KSR2: variants seen among roughly 807,000 people sequenced by gnomAD.
The protein encoded by KSR2 is kinase suppressor of ras 2.
In KSR2, 25 loss-of-function variants were observed where a neutral mutation model predicts 107.8. The observed-to-expected ratio is 0.23, with a 90% CI of 0.17 to 0.32. The LOEUF (loss-of-function observed/expected upper bound fraction) is 0.32, where lower values mean the gene tolerates loss of function less well. Among genes scored for constraint, KSR2 ranks in the 10% least tolerant of loss-of-function variants. The probability of loss-of-function intolerance (pLI) is 1.00; values close to 1 mark genes in which losing one functional copy is unlikely to be tolerated. For synonymous variants in KSR2, 480 were observed against 507.0 expected, an observed-to-expected ratio of 0.95 and a Z score of 0.71; for missense variants, 887 against 1,268.9, an observed-to-expected ratio of 0.70 and a Z score of 4.57.
chr12:117,550,241 C>T (rs993482121), intron 9 of KSR2, among the ~76,000 whole-genome samples: 2 of 152,176 alleles, frequency 1.3e-5, no homozygotes, highest in African/African-American at 4.8e-5. Context: ...AGTCATGGCT[C>T]AGAAGCAGAA....
intron 1 of KSR2, among the ~76,000 whole-genome samples, chr12:117,919,185 C>G (rs1323211381): frequency 1.3e-5 from 2 of 152,202 alleles, no homozygotes; most frequent in Non-Finnish European, 2.9e-5. Flanking sequence ...GTCCTTCAAA[C>G]CAGGCATGTT....
chr12:117,831,693 C>T (rs75871853), intron 3 of KSR2, among the ~76,000 whole-genome samples: 1,678 of 152,340 alleles, frequency 0.011, 38 homozygotes, highest in African/African-American at 0.039. Context: ...TATTTGATTT[C>T]ACTTAATCCT....
chr12:117,847,486 C>A (rs1409744713), intron 3 of KSR2, among the ~76,000 whole-genome samples: 1 of 152,232 alleles, frequency 6.6e-6, no homozygotes, highest in Non-Finnish European at 1.5e-5. Context: ...ACCTGCCTGT[C>A]TGCAGCACCC....
intron 1 of KSR2, among the ~76,000 whole-genome samples, chr12:117,933,557 A>C (rs1267650251): frequency 2.0e-5 from 3 of 151,856 alleles, no homozygotes; most frequent in Non-Finnish European, 4.4e-5. Context: ...ATGCCACTGC[A>C]CTCCAGCCTG....
At chr12:117,672,627 A>C (rs1884957442) in intron 4 of KSR2, among the ~76,000 whole-genome samples, 1 of 151,876 alleles carries the variant, frequency 6.6e-6, no homozygotes, top group African/African-American at 2.4e-5. Context: ...AATATCCAAC[A>C]AACTTTTTTT....
chr12:117,671,927 C>T (rs1884922426), intron 4 of KSR2, among the ~76,000 whole-genome samples: 1 of 152,154 alleles, frequency 6.6e-6, no homozygotes, highest in Admixed American at 6.5e-5. Context: ...AGCCTGGGGG[C>T]ATCCCACACA....
chr12:117,686,304 G>T (rs1473939168), intron 4 of KSR2, among the ~76,000 whole-genome samples: 1 of 141,640 alleles, frequency 7.1e-6, no homozygotes, highest in Non-Finnish European at 1.5e-5. Flanking sequence ...GGGCTAAAGT[G>T]ATCCTCCTGC....
rs75191390 is a variant in KSR2, at chr12:117,763,464, C to T, written c.473-1940G>A. On this transcript the variant is annotated intron_variant, in intron 3 of 19. Transcript: ENST00000339824. ...GTAAAGCCTTTCTGCATCCTCCATG[C>T]TAAGAGCTCTAAATGCATAAAGATC... is the stretch of plus-strand genomic sequence containing the variant. Among the ~76,000 whole-genome samples, 621 of 152,296 alleles carry T rather than the reference C, an allele frequency of 4.1e-3. 23 individuals are homozygous for T. In the East Asian group the frequency reaches 0.069, roughly 17 times the overall value.
At chr12:117,844,928 C>T (rs1014962371) in intron 3 of KSR2, among the ~76,000 whole-genome samples, 8 of 152,272 alleles carry the variant, frequency 5.3e-5, no homozygotes, top group South Asian at 2.1e-4. Flanking sequence ...AGGTGGATCA[C>T]GAGGTCAGGA....
chr12:117,966,668 C>G (rs1267390319), intron 1 of KSR2, among the ~76,000 whole-genome samples: 2 of 148,462 alleles, frequency 1.3e-5, no homozygotes, highest in Non-Finnish European at 3.0e-5. Context: ...CTCTTTCTCT[C>G]TCTCCCTCCC....
chr12:117,575,493 C>T (rs1019581581), intron 7 of KSR2, among the ~76,000 whole-genome samples: 1 of 152,196 alleles, frequency 6.6e-6, no homozygotes, highest in Non-Finnish European at 1.5e-5. Context: ...CTTCTATCAG[C>T]TCATAAGTGC....
At chr12:117,521,473 ACCGT>A (rs919932966) in intron 14 of KSR2, among the ~76,000 whole-genome samples, 2 of 152,192 alleles carry the variant, frequency 1.3e-5, no homozygotes, top group African/African-American at 4.8e-5. Flanking sequence ...GATTGCGCAG[ACCGT>A]CGATAGCTTT....
At chr12:117,852,531 G>A (rs1892964466) in intron 3 of KSR2, among the ~76,000 whole-genome samples, 1 of 152,158 alleles carries the variant, frequency 6.6e-6, no homozygotes, top group African/African-American at 2.4e-5. Context: ...CCATGGTCTC[G>A]CACAGCCTAG....
intron 4 of KSR2, among the ~76,000 whole-genome samples, chr12:117,745,911 A>AGGATGTGAAGGAC (rs1888389867): frequency 6.6e-6 from 1 of 152,182 alleles, no homozygotes; most frequent in Non-Finnish European, 1.5e-5. Flanking sequence ...ACTACAAACC[A>AGGATGTGAAGGAC]CTGCTCAAGG....
At chr12:117,713,985 T>C (rs915446888) in intron 4 of KSR2, among the ~76,000 whole-genome samples, 11 of 152,104 alleles carry the variant, frequency 7.2e-5, no homozygotes, top group Admixed American at 5.2e-4. Context: ...CCCCAAATTA[T>C]ATTTCATCCT....
intron 1 of KSR2, among the ~76,000 whole-genome samples, chr12:117,947,246 A>AAAGG: frequency 8.0e-6 from 1 of 125,070 alleles, no homozygotes; most frequent in Non-Finnish European, 1.7e-5. Context: ...AGAAAGAAAG[A>AAAGG]AAGAAAGAAA....
chr12:117,716,532 C>A (rs1886986868), intron 4 of KSR2, among the ~76,000 whole-genome samples: 1 of 152,230 alleles, frequency 6.6e-6, no homozygotes, highest in Non-Finnish European at 1.5e-5. Flanking sequence ...TATTTTGGAT[C>A]TATTGGTAAA....
intron 8 of KSR2, among the ~76,000 whole-genome samples, chr12:117,556,127 CAAG>C (rs1398559404): frequency 2.0e-5 from 3 of 147,600 alleles, no homozygotes; most frequent in Non-Finnish European, 3.0e-5. Context: ...AGAGAAAAAG[CAAG>C]AAGCTGGTGG....
At chr12:117,937,134 C>G (rs1035111360) in intron 1 of KSR2, among the ~76,000 whole-genome samples, 1 of 152,146 alleles carries the variant, frequency 6.6e-6, no homozygotes, top group African/African-American at 2.4e-5. Flanking sequence ...TAAATAGTAG[C>G]GGGGGAAAGT....
Sources: allele counts gnomAD v4.1 joint callset (sites outside exome capture counted in the v4.1 genomes callset), GRCh38; gene constraint gnomAD v4.1.1; transcripts MANE v1.5; gene names NCBI Gene and HGNC (gene_info 2026-07-23, HGNC 2026-07-21).